MYLK: variants seen among roughly 807,000 people sequenced by gnomAD.
MYLK encodes myosin light chain kinase, smooth muscle.
Under a neutral mutation model 203.4 loss-of-function variants are expected in MYLK, and 106 were observed. The ratio of observed to expected loss-of-function variants is 0.52; its 90% CI spans 0.45 to 0.61. The LOEUF (loss-of-function observed/expected upper bound fraction) is 0.61, where lower values mean the gene tolerates loss of function less well. Among genes scored for constraint, MYLK ranks in the 20% least tolerant of loss-of-function variants. The pLI is 0.00. For missense variants in MYLK, 2,072 were observed against 2,442.3 expected (o/e 0.85, Z 3.20); for synonymous variants, 867 against 959.5 (o/e 0.90, Z 1.78).
intron 4 of MYLK, among the ~76,000 whole-genome samples, chr3:123,762,033 AT>A (rs1402467877): frequency 6.6e-6 from 1 of 152,052 alleles, no homozygotes; most frequent in Non-Finnish European, 1.5e-5. Context: ...GCCTCAAAAA[AT>A]ATATATATTT....
At chr3:123,678,825 G>GA (rs1291180359) in intron 20 of MYLK, among the ~76,000 whole-genome samples, 1 of 152,140 alleles carries the variant, frequency 6.6e-6, no homozygotes, top group Non-Finnish European at 1.5e-5. Context: ...AAAATGCATA[G>GA]AAAAAAGTCA....
In MYLK at chr3:123,831,398, G is replaced by C. The variant is rs954609596; in HGVS notation, c.-4+150C>G. 52 of 1,289,440 alleles carry C rather than the reference G, an allele frequency of 4.0e-5. No individual in the cohort carries two copies. In the African/African-American group the frequency reaches 7.3e-4, roughly 18 times the overall value. 79.9% of individuals were successfully genotyped at this position (1,289,440 alleles called of 1,614,324 possible). A position where few individuals can be genotyped will look rare whatever the true frequency, so the allele number is the denominator to read the frequency against. On this transcript the variant is annotated intron_variant, in intron 3 of 33. Coordinates refer to ENST00000360304, the MANE Select transcript of MYLK (RefSeq NM_053025.4). ...CAGCATACTGCCTTCACTCTTACCT[G>C]CTTGGGCAGCTGGCCAGGTGCCATC...
chr3:123,696,688 G>A (rs1329849055), intron 18 of MYLK, among the ~76,000 whole-genome samples: 2 of 152,148 alleles, frequency 1.3e-5, no homozygotes, highest in African/African-American at 2.4e-5. Context: ...TTCCCTGACT[G>A]TGGTTGTGGC....
intron 3 of MYLK, among the ~76,000 whole-genome samples, chr3:123,826,079 C>A (rs926631953): frequency 1.3e-5 from 2 of 152,166 alleles, no homozygotes; most frequent in Non-Finnish European, 2.9e-5. Context: ...CAAAAAAGGG[C>A]CTGAGAAACC....
chr3:123,751,449 A>G (rs983506369), intron 5 of MYLK, among the ~76,000 whole-genome samples: 2 of 152,236 alleles, frequency 1.3e-5, no homozygotes, highest in African/African-American at 2.4e-5. Flanking sequence ...TTTTGCAATT[A>G]CTTTTAACTA....
intron 31 of MYLK, chr3:123,621,321 A>G (rs932260274): frequency 6.6e-6 from 1 of 152,232 alleles, no homozygotes; most frequent in Non-Finnish European, 1.5e-5. Flanking sequence ...CACCCAAAGC[A>G]TCTTTTTTAG....
At chr3:123,656,580 TAA>T (rs1432132193) in intron 24 of MYLK, among the ~76,000 whole-genome samples, 1 of 152,204 alleles carries the variant, frequency 6.6e-6, no homozygotes, top group African/African-American at 2.4e-5. Flanking sequence ...AGACTCAGAC[TAA>T]GTGTCACCTT....
rs1303549388 is a variant in MYLK at position 123,613,108 on chromosome 3, T to C, written c.*997A>G. 6.6e-6 allele frequency: 1 copy of C among 152,292 alleles called. No individual in the cohort carries two copies. Among genetic ancestry groups the C allele is most frequent in the Non-Finnish European group, 1.5e-5 (1 of 68,040 alleles). The allele number at this position is 152,292 out of a possible 1,614,324, so 9.4% of individuals were successfully genotyped here. Reference sequence around the variant, plus strand: ...CTTTGGAGAGTGTTGAGAATGAAGATGTATTAAACTCTGGCTATCTTGGAG... The same window carrying C: ...CTTTGGAGAGTGTTGAGAATGAAGACGTATTAAACTCTGGCTATCTTGGAG... On this transcript the variant is annotated 3_prime_UTR_variant, in exon 34 of 34. Transcript: ENST00000360304.
At chr3:123,720,031 G>C (rs367687961) in intron 13 of MYLK, among the ~76,000 whole-genome samples, 3 of 151,976 alleles carry the variant, frequency 2.0e-5, no homozygotes, top group Non-Finnish European at 4.4e-5. Flanking sequence ...GGGCCTGAGC[G>C]TGCGGCTGCG....
intron 27 of MYLK, among the ~76,000 whole-genome samples, chr3:123,645,322 C>T (rs772479654): frequency 7.2e-5 from 11 of 152,182 alleles, no homozygotes; most frequent in Non-Finnish European, 1.3e-4. Context: ...AGCCTACACT[C>T]GGAACTACTA....
intron 31 of MYLK, chr3:123,624,158 C>G (rs940321308): frequency 4.6e-5 from 7 of 151,668 alleles, no homozygotes. Context: ...CTGTTTCTAC[C>G]AAAGGAGAAA....
rs1425565255 is a variant in MYLK, at chr3:123,640,352, A to G, written c.4772T>C (p.Ile1591Thr). The G allele has an allele frequency of 2.5e-6, 4 of 1,613,516 alleles. No homozygotes were observed. The highest frequency in any genetic ancestry group is 3.4e-6 in the Non-Finnish European group (4 of 1,179,950). Reference sequence around the variant, plus strand: ...GGTGCCCGTCTTGTTGACACACATGATGTTCTCCGGCTTGAGGTCCAGGTG... The same window carrying G: ...GGTGCCCGTCTTGTTGACACACATGGTGTTCTCCGGCTTGAGGTCCAGGTG... The part of the protein sequence containing the change: ...IVHLDLKPEN[I>T]MCVNKTGTRI... The change falls in exon 28 of 34, where the codon ATC becomes ACC. Residue 1591 changes from isoleucine to threonine, a missense_variant. By Grantham distance (89) the Ile-to-Thr change is moderately conservative. Coordinates refer to ENST00000360304, the MANE Select transcript of MYLK (RefSeq NM_053025.4). This position sits in a 1 kb window ranked among gnomAD's most constrained non-coding sequence, Gnocchi z 4.3.
chr3:123,635,751 G>C (rs2058619759), intron 29 of MYLK, among the ~76,000 whole-genome samples: 1 of 152,138 alleles, frequency 6.6e-6, no homozygotes, highest in Non-Finnish European at 1.5e-5. Flanking sequence ...TCTAGTTCTA[G>C]ATTATATATC....
intron 2 of MYLK, among the ~76,000 whole-genome samples, chr3:123,851,749 C>T (rs2148668080): frequency 6.6e-6 from 1 of 152,186 alleles, no homozygotes; most frequent in Middle Eastern, 3.4e-3. Context: ...TTTCTCCTGC[C>T]TGATTGCCCT....
rs753172836 is a variant in MYLK at position 123,733,899 on chromosome 3, G to A, written c.1097C>T (p.Pro366Leu). The change falls in exon 10 of 34, where the codon CCT (proline) becomes CTT (leucine). Residue 366 changes from proline (P) to leucine (L), a missense_variant. Coordinates refer to ENST00000360304, the MANE Select transcript of MYLK (RefSeq NM_053025.4). ...TGGCCTCTTCCTCTCTTCTCCAGAA[G>A]GTGATAGGACCCCCAGGCCTGGTGC... ...PRAPGLGVLS[P>L]SGEERKRPAP... 1 of 1,614,168 alleles carries A rather than the reference G, an allele frequency of 6.2e-7. No individual in the cohort carries two copies. Among genetic ancestry groups the A allele is most frequent in the South Asian group, 1.1e-5 (1 of 91,024 alleles).
chr3:123,699,419 G>T (rs374573678), intron 18 of MYLK, among the ~76,000 whole-genome samples: 2 of 152,202 alleles, frequency 1.3e-5, no homozygotes, highest in Admixed American at 6.5e-5. Context: ...CTGTCTGCCC[G>T]TGAGTGTGTG....
chr3:123,736,329 A>G (rs1329089357), intron 8 of MYLK, among the ~76,000 whole-genome samples: 1 of 152,198 alleles, frequency 6.6e-6, no homozygotes, highest in African/African-American at 2.4e-5. Flanking sequence ...AAGTAACAAG[A>G]GCAAAGATGA....
intron 11 of MYLK, among the ~76,000 whole-genome samples, chr3:123,728,310 T>C (rs997014045): frequency 3.9e-5 from 6 of 152,036 alleles, no homozygotes; most frequent in African/African-American, 1.4e-4. Context: ...GAAACCAGCC[T>C]GGGAAACATA....
chr3:123,767,971 A>G (rs1045731353), intron 4 of MYLK, among the ~76,000 whole-genome samples: 15 of 152,326 alleles, frequency 9.8e-5, no homozygotes, highest in African/African-American at 3.4e-4. Context: ...GACTCCTACC[A>G]TCACCACTTG....
Sources: gnomAD v4.1 joint callset for allele counts (sites outside exome capture counted in the v4.1 genomes callset) on GRCh38, gnomAD v4.1.1 for gene constraint, Gnocchi (gnomAD v3.1) non-coding constraint, MANE v1.5 for transcripts, NCBI Gene and HGNC (gene_info 2026-07-23, HGNC 2026-07-21) for gene names.